The following ADGRL1 variants were observed in gnomAD, a reference collection of about 807,000 sequenced individuals.
ADGRL1 encodes the protein adhesion G protein-coupled receptor L1.
ADGRL1 carries 31 observed loss-of-function variants against 148.9 expected under a neutral mutation model. That is an observed-to-expected ratio of 0.21 (90% CI 0.16 to 0.28). ADGRL1 has a LOEUF of 0.28. Among genes scored for constraint, ADGRL1 ranks in the 10% least tolerant of loss-of-function variants. ADGRL1 has a pLI of 1.00. For synonymous variants in ADGRL1, 937 were observed against 900.3 expected (o/e 1.04, Z -0.73); for missense variants, 1,521 against 2,058.8 (o/e 0.74, Z 5.05).
intron 3 of ADGRL1, among the ~76,000 whole-genome samples, chr19:14,173,820 G>A (rs569523552): frequency 2.0e-5 from 3 of 151,888 alleles, no homozygotes; most frequent in Non-Finnish European, 4.4e-5. Flanking sequence ...GGTGGTGCAT[G>A]CTTGTAGTCC....
intron 1 of ADGRL1, among the ~76,000 whole-genome samples, chr19:14,197,389 A>C (rs1156818237): frequency 6.8e-6 from 1 of 147,762 alleles, no homozygotes; most frequent in East Asian, 2.0e-4. Context: ...TCATCTCCCC[A>C]TCTATCTGCC....
intron 1 of ADGRL1, among the ~76,000 whole-genome samples, chr19:14,192,671 C>G (rs1972020113): frequency 6.6e-6 from 1 of 152,144 alleles, no homozygotes; most frequent in Non-Finnish European, 1.5e-5. Flanking sequence ...CTGCCTCAGC[C>G]TCCTGAGTAG....
intron 1 of ADGRL1, among the ~76,000 whole-genome samples, chr19:14,205,562 G>A (rs1457160797): frequency 6.6e-6 from 1 of 151,726 alleles, no homozygotes. Context: ...CTCACACCCA[G>A]ACACCTACAC....
chr19:14,170,379 G>T, intron 4 of ADGRL1: 1 of 256,942 alleles, frequency 3.9e-6, no homozygotes, highest in Non-Finnish European at 7.6e-6. Flanking sequence ...CGGGACCATG[G>T]CCTGGCAGTG....
intron 1 of ADGRL1, among the ~76,000 whole-genome samples, chr19:14,204,740 GACAGAC>G (rs1436988609): frequency 7.0e-6 from 1 of 142,634 alleles, no homozygotes; most frequent in African/African-American, 2.7e-5. Context: ...GAGAGAGAGA[GACAGAC>G]AGAGAGAGAG....
At chr19:14,202,055 C>T (rs1050699846) in intron 1 of ADGRL1, among the ~76,000 whole-genome samples, 49 of 152,046 alleles carry the variant, frequency 3.2e-4, no homozygotes, top group African/African-American at 1.1e-3. Flanking sequence ...GCAAACGCCC[C>T]GGGGTAGGAT....
chr19:14,190,777 T>A (rs1971877607), intron 1 of ADGRL1, among the ~76,000 whole-genome samples: 1 of 152,086 alleles, frequency 6.6e-6, no homozygotes, highest in Non-Finnish European at 1.5e-5. Flanking sequence ...GTTCATCCAT[T>A]CCAGAGGGGT....
Position 14,159,884 on chromosome 19 carries a change from G to T in ADGRL1, c.1801-111C>A. 1.8e-6 allele frequency: 2 copies of T among 1,109,846 alleles called. No individual in the cohort carries two copies. The highest frequency in any genetic ancestry group is 1.4e-6 in the Non-Finnish European group (1 of 730,178). 68.7% of individuals were successfully genotyped at this position (1,109,846 alleles called of 1,614,324 possible). A position where few individuals can be genotyped will look rare whatever the true frequency, so the allele number is the denominator to read the frequency against. On this transcript the variant is annotated intron_variant, in intron 8 of 22. Transcript: ENST00000361434. This position sits in a 1 kb window ranked among gnomAD's most constrained non-coding sequence, Gnocchi z 6.0. Reference sequence around the variant, plus strand: ...CGTCTGCGGTTACCACTGACCCAGGGCTGGGCTATCAGCAAGACATTCCTC... The same window carrying T: ...CGTCTGCGGTTACCACTGACCCAGGTCTGGGCTATCAGCAAGACATTCCTC...
chr19:14,189,845 C>T (rs1374121518), intron 1 of ADGRL1, among the ~76,000 whole-genome samples: 3 of 152,254 alleles, frequency 2.0e-5, no homozygotes, highest in South Asian at 4.1e-4. Flanking sequence ...ACATCCAACA[C>T]CTCACCTAGA....
chr19:14,187,578 T>C (rs10414057), intron 1 of ADGRL1, among the ~76,000 whole-genome samples: 36,290 of 88,742 alleles, frequency 0.41, 5,325 homozygotes, highest in Middle Eastern at 0.52. Context: ...CCCCCCCAGC[T>C]ACCTCCAGCC....
At chr19:14,178,354 A>G (rs1970961303) in intron 2 of ADGRL1, among the ~76,000 whole-genome samples, 1 of 151,984 alleles carries the variant, frequency 6.6e-6, no homozygotes, top group Admixed American at 6.5e-5. Context: ...AAAATACACA[A>G]ATTAGCCAGA....
chr19:14,186,168 C>T (rs1186309664), intron 1 of ADGRL1, among the ~76,000 whole-genome samples: 1 of 152,162 alleles, frequency 6.6e-6, no homozygotes, highest in African/African-American at 2.4e-5. Flanking sequence ...AAGTGATCCT[C>T]CCGCCTCGGC....
In ADGRL1 at chr19:14,150,912, G is replaced by A. The variant is rs1344013194; in HGVS notation, c.4371C>T (p.Pro1457=). The A allele has an allele frequency of 1.3e-5, 21 of 1,611,960 alleles. No individual in the cohort carries two copies. The highest frequency in any genetic ancestry group is 5.3e-5 in the African/African-American group (4 of 74,920). The part of the protein sequence containing the change: ...LAAPGLEGPG[P]DGDGQMQLVT... Reference sequence around the variant, plus strand: ...CCAGCTGCATCTGCCCGTCCCCATCGGGCCCTGGCCCCTCAAGGCCTGGGG... The same window carrying A: ...CCAGCTGCATCTGCCCGTCCCCATCAGGCCCTGGCCCCTCAAGGCCTGGGG... Residue 1457 remains proline, a synonymous_variant, in exon 23 of 23, where the codon CCC becomes CCT. Coordinates refer to ENST00000361434, the MANE Select transcript of ADGRL1 (RefSeq NM_014921.5).
intron 1 of ADGRL1, among the ~76,000 whole-genome samples, chr19:14,195,639 T>C (rs1271873477): frequency 6.6e-6 from 1 of 152,054 alleles, no homozygotes; most frequent in Non-Finnish European, 1.5e-5. Context: ...CAGGAAGCCC[T>C]CAGGCATCCG....
Position 14,151,399 on chromosome 19 carries a change from G to T in ADGRL1, c.3884C>A (p.Ala1295Asp), listed in dbSNP as rs1337463817. The change falls in exon 23 of 23, where the codon GCC becomes GAC. Residue 1295 changes from alanine (A) to aspartate (D), a missense_variant. By Grantham distance (126) the Ala-to-Asp change is moderately radical. Coordinates refer to ENST00000361434, the MANE Select transcript of ADGRL1 (RefSeq NM_014921.5). ...HNNLRGSSSAAKGPPPPEPPV... is the reference protein window; with the variant it reads ...HNNLRGSSSADKGPPPPEPPV... ...GGGCTCAGGCGGTGGAGGGCCCTTG[G>T]CCGCGCTGCTGCTCCCCCGCAGGTT... The T allele has an allele frequency of 3.1e-6, 5 of 1,609,172 alleles. No homozygotes were observed. Among genetic ancestry groups the T allele is most frequent in the Non-Finnish European group, 4.2e-6 (5 of 1,178,240 alleles).
chr19:14,204,715 AG>A (rs1778142381), intron 1 of ADGRL1, among the ~76,000 whole-genome samples: 1 of 14,850 alleles, frequency 6.7e-5, no homozygotes, highest in Non-Finnish European at 1.3e-4. Context: ...AGAGAGAGTG[AG>A]AGAGAGAGAG....
At chr19:14,168,465 C>A (rs1970192294) in intron 4 of ADGRL1, among the ~76,000 whole-genome samples, 1 of 152,102 alleles carries the variant, frequency 6.6e-6, no homozygotes, top group African/African-American at 2.4e-5. Context: ...TCTCCTGTCT[C>A]CCCAAGGGCT....
chr19:14,179,583 C>A (rs748225372), intron 2 of ADGRL1, among the ~76,000 whole-genome samples: 10 of 151,970 alleles, frequency 6.6e-5, no homozygotes, highest in Admixed American at 1.3e-4. Flanking sequence ...GCCTCTGCAA[C>A]TGTGAGACAA....
At chr19:14,204,337 T>A (rs752719978) in intron 1 of ADGRL1, among the ~76,000 whole-genome samples, 5 of 151,524 alleles carry the variant, frequency 3.3e-5, no homozygotes, top group Admixed American at 1.3e-4. Context: ...CCACGCAGAG[T>A]CCCCTGCCGG....
Sources: gnomAD v4.1 joint callset for allele counts (sites outside exome capture counted in the v4.1 genomes callset) on GRCh38, gnomAD v4.1.1 for gene constraint, Gnocchi (gnomAD v3.1) non-coding constraint, MANE v1.5 for transcripts, NCBI Gene and HGNC (gene_info 2026-07-23, HGNC 2026-07-21) for gene names.